ENTPD1: variants seen among roughly 807,000 people sequenced by gnomAD.
The protein encoded by ENTPD1 is ectonucleoside triphosphate diphosphohydrolase 1.
In ENTPD1, 33 loss-of-function variants were observed where a neutral mutation model predicts 57.0. That is an observed-to-expected ratio of 0.58 (90% confidence interval 0.44 to 0.77). The LOEUF (loss-of-function observed/expected upper bound fraction) is 0.77. ENTPD1 is among the 30% of genes least tolerant of loss of function. ENTPD1 has a pLI of 0.00. For missense variants in ENTPD1, 501 were observed against 603.4 expected (o/e 0.83, Z 1.78); for synonymous variants, 202 against 218.8 (o/e 0.92, Z 0.68).
chr10:95,780,701 G>A (rs1208527631), intron 1 of ENTPD1, among the ~76,000 whole-genome samples: 1 of 152,188 alleles, frequency 6.6e-6, no homozygotes, highest in African/African-American at 2.4e-5. Context: ...TTTGATCCAG[G>A]TCATGACTGT....
intron 1 of ENTPD1, among the ~76,000 whole-genome samples, chr10:95,818,057 A>T (rs2098336055): frequency 6.6e-6 from 1 of 152,240 alleles, no homozygotes; most frequent in Non-Finnish European, 1.5e-5. Flanking sequence ...GACTACTGAC[A>T]TAACTGAGCT....
chr10:95,751,052 T>TTG (rs2098011242), upstream of ENTPD1, among the ~76,000 whole-genome samples: 1 of 151,976 alleles, frequency 6.6e-6, no homozygotes, highest in Non-Finnish European at 1.5e-5. Flanking sequence ...ATTCAGAGTT[T>TTG]TATAAGGATT....
rs2098480516 is a variant in ENTPD1, at chr10:95,871,599, G to A, written c.*5216G>A. The A allele has an allele frequency of 2.0e-6, 2 of 985,418 alleles. No homozygotes were observed. Among genetic ancestry groups the A allele is most frequent in the Non-Finnish European group, 2.4e-6 (2 of 829,928 alleles). 61.0% of individuals were successfully genotyped at this position (985,418 alleles called of 1,614,324 possible). On this transcript the variant is annotated 3_prime_UTR_variant, in exon 10 of 10. Transcript: ENST00000371205. ...CAATAGTGAGGAGGTGCCTCCATGA[G>A]CCTTCTCTTTAGAAAAGTGGCATTC...
chr10:95,858,676 T>G (rs982911627), intron 7 of ENTPD1, among the ~76,000 whole-genome samples: 1 of 152,150 alleles, frequency 6.6e-6, no homozygotes, highest in Non-Finnish European at 1.5e-5. Context: ...ATTCCTGAGT[T>G]CAGGGCATAT....
intron 7 of ENTPD1, among the ~76,000 whole-genome samples, chr10:95,849,273 A>G (rs2098440868): frequency 1.3e-5 from 2 of 152,208 alleles, no homozygotes; most frequent in Admixed American, 6.5e-5. Context: ...ATAGTTTAGT[A>G]GCATATTGAA....
chr10:95,799,556 T>G (rs1160901570), intron 1 of ENTPD1, among the ~76,000 whole-genome samples: 1 of 152,198 alleles, frequency 6.6e-6, no homozygotes, highest in Non-Finnish European at 1.5e-5. Context: ...TGATGGGCAT[T>G]TAAGTTGATT....
chr10:95,801,265 T>C (rs1170913463), intron 1 of ENTPD1, among the ~76,000 whole-genome samples: 1 of 152,194 alleles, frequency 6.6e-6, no homozygotes, highest in Non-Finnish European at 1.5e-5. Context: ...CCTCATGAAA[T>C]CTTTGCCCAT....
At chr10:95,833,334 A>G (rs1034026143) in intron 2 of ENTPD1, among the ~76,000 whole-genome samples, 8 of 152,254 alleles carry the variant, frequency 5.3e-5, no homozygotes, top group Middle Eastern at 3.2e-3. Context: ...TGTGGTTTGT[A>G]TTAAAGATCT....
At chr10:95,866,009 C>A (rs988315185) in intron 9 of ENTPD1, among the ~76,000 whole-genome samples, 168 bp from the exon 10 acceptor site, 4 of 152,184 alleles carry the variant, frequency 2.6e-5, no homozygotes, top group Admixed American at 2.6e-4. Flanking sequence ...AAGTGATCCT[C>A]CCTCCTTGGC....
In ENTPD1 at chr10:95,867,888, A is replaced by AACTT; in HGVS notation, c.*1507_*1510dup. 1.0e-6 allele frequency: 1 copy of AACTT among 985,470 alleles called. No individual in the cohort carries two copies. Among genetic ancestry groups the AACTT allele is most frequent in the Non-Finnish European group, 1.2e-6 (1 of 829,938 alleles). The allele number at this position is 985,470 out of a possible 1,614,324, so 61.0% of individuals were successfully genotyped here. ...TTGACAACATCCAGGTGAATATAAA[A>AACTT]ACTTAATAAAGCTGTGGAAAGGAAC... On this transcript the variant is annotated 3_prime_UTR_variant, in exon 10 of 10. Coordinates refer to ENST00000371205, the MANE Select transcript of ENTPD1 (RefSeq NM_001776.6).
At chr10:95,862,352 C>T (rs776769089) in intron 8 of ENTPD1, among the ~76,000 whole-genome samples, 10 of 152,246 alleles carry the variant, frequency 6.6e-5, no homozygotes, top group Non-Finnish European at 7.3e-5. Context: ...GTGACTCTTT[C>T]TTCTTTCCCT....
chr10:95,795,855 A>C (rs79391950), intron 1 of ENTPD1, among the ~76,000 whole-genome samples: 1 of 152,178 alleles, frequency 6.6e-6, no homozygotes, highest in African/African-American at 2.4e-5. Context: ...AGCTGAGTGT[A>C]TATTTTCTTC....
intron 1 of ENTPD1, among the ~76,000 whole-genome samples, chr10:95,799,295 C>T (rs1385597775): frequency 6.6e-6 from 1 of 152,146 alleles, no homozygotes; most frequent in Non-Finnish European, 1.5e-5. Flanking sequence ...TCTCTCCTCC[C>T]ACCTTCCACC....
chr10:95,757,738 C>T (rs770226240), intron 1 of ENTPD1, among the ~76,000 whole-genome samples: 1 of 152,050 alleles, frequency 6.6e-6, no homozygotes, highest in Non-Finnish European at 1.5e-5. Context: ...GATGTGGTGG[C>T]TCGCACCTGT....
exon 1 of ENTPD1, chr10:95,711,900 CCA>C: frequency 1.2e-6 from 2 of 1,610,280 alleles, no homozygotes; most frequent in Non-Finnish European, 1.7e-6. Context: ...CTTGGCCCCT[CCA>C]GTTTTGGTGC....
At chr10:95,761,282 G>A (rs1458070922) in intron 1 of ENTPD1, among the ~76,000 whole-genome samples, 2 of 152,174 alleles carry the variant, frequency 1.3e-5, no homozygotes, top group Non-Finnish European at 2.9e-5. Flanking sequence ...GTGTGCATAT[G>A]TTCTGAAGCA....
chr10:95,818,082 G>A (rs1014821108), intron 1 of ENTPD1, among the ~76,000 whole-genome samples: 1 of 152,160 alleles, frequency 6.6e-6, no homozygotes, highest in Non-Finnish European at 1.5e-5. Context: ...AGAGTATAGG[G>A]GGAGCATAGC....
intron 1 of ENTPD1, among the ~76,000 whole-genome samples, chr10:95,766,957 G>A (rs959792914): frequency 4.0e-5 from 6 of 150,802 alleles, no homozygotes; most frequent in African/African-American, 1.5e-4. Flanking sequence ...ATAGCTCAAT[G>A]TAACCTTGAA....
chr10:95,820,632 G>A (rs2098346676), intron 1 of ENTPD1, among the ~76,000 whole-genome samples: 1 of 152,156 alleles, frequency 6.6e-6, no homozygotes, highest in Non-Finnish European at 1.5e-5. Context: ...CACCTTCAAG[G>A]TCTCGGCTCA....
Sources: allele counts gnomAD v4.1 joint callset (sites outside exome capture counted in the v4.1 genomes callset), GRCh38; gene constraint gnomAD v4.1.1; transcripts MANE v1.5; gene names NCBI Gene and HGNC (gene_info 2026-07-23, HGNC 2026-07-21).